Variants in SPATS1 observed in about 807,000 individuals in gnomAD.
The protein encoded by SPATS1 is spermatogenesis associated serine rich 1.
In SPATS1, 23 loss-of-function variants were observed where a neutral mutation model predicts 33.6. That is an observed-to-expected ratio of 0.68 (90% CI 0.49 to 0.97). The LOEUF (loss-of-function observed/expected upper bound fraction) is 0.97, where lower values mean the gene tolerates loss of function less well. Ranked by LOEUF, SPATS1 falls within the 50% of genes least tolerant of loss-of-function variation. The probability of loss-of-function intolerance (pLI) is 0.00; values close to 1 mark genes in which losing one functional copy is unlikely to be tolerated. For missense variants in SPATS1, 327 were observed against 361.0 expected, an observed-to-expected ratio of 0.91 and a Z score of 0.76; for synonymous variants, 131 against 125.6, an observed-to-expected ratio of 1.04 and a Z score of -0.29.
At chr6:44,369,118 G>A (rs547392248) in intron 6 of SPATS1, among the ~76,000 whole-genome samples, 2 of 152,142 alleles carry the variant, frequency 1.3e-5, no homozygotes, top group South Asian at 2.1e-4. Context: ...GGATGGTCTT[G>A]ATCTCCTGAC....
intron 7 of SPATS1, among the ~76,000 whole-genome samples, chr6:44,375,261 G>T (rs1278614119): frequency 6.6e-6 from 1 of 152,200 alleles, no homozygotes; most frequent in Non-Finnish European, 1.5e-5. Flanking sequence ...ACATGGGAGG[G>T]TGAAGCACCC....
intron 7 of SPATS1, among the ~76,000 whole-genome samples, chr6:44,370,541 T>C (rs529865413): frequency 1.8e-4 from 27 of 152,208 alleles, no homozygotes; most frequent in Non-Finnish European, 2.8e-4. Context: ...ATCATTCCTT[T>C]AATTTCATAC....
intron 4 of SPATS1, among the ~76,000 whole-genome samples, chr6:44,361,071 G>A (rs1788890756): frequency 6.6e-6 from 1 of 152,104 alleles, no homozygotes; most frequent in South Asian, 2.1e-4. Flanking sequence ...CTGAGGCTTT[G>A]AGACATTCAG....
chr6:44,370,238 G>A, intron 7 of SPATS1, 125 bp downstream of exon 7: 1 of 797,694 alleles, frequency 1.3e-6, no homozygotes. Flanking sequence ...CCCAGCAGGA[G>A]GGTGGGGCAG....
chr6:44,352,186 A>G (rs759159989), intron 2 of SPATS1, among the ~76,000 whole-genome samples: 1 of 151,956 alleles, frequency 6.6e-6, no homozygotes, highest in Non-Finnish European at 1.5e-5. Flanking sequence ...GCTGGAGTGC[A>G]GTCATGTGAT....
intron 5 of SPATS1, among the ~76,000 whole-genome samples, chr6:44,364,164 T>C (rs1192850472): frequency 1.3e-5 from 2 of 152,260 alleles, no homozygotes; most frequent in Admixed American, 1.3e-4. Flanking sequence ...AAATATATCA[T>C]ATGTGCCTCT....
rs775737609 is a variant in SPATS1 at position 44,360,449 on chromosome 6, C to A, written c.291C>A (p.Thr97=). ...GLPRVSAYVD[T]TADLDRKLSF... ...AATCCTTCTGCTTTCTTTCCAGCAC[C>A]ACTGCTGACTTGGATCGGAAACTCT... The change falls in exon 4 of 9, where the codon ACC becomes ACA. Residue 97 remains threonine (T), a synonymous_variant. Transcript: ENST00000674044. 1.2e-6 allele frequency: 2 copies of A among 1,613,970 alleles called. No homozygotes were observed. The highest frequency in any genetic ancestry group is 2.2e-5 in the South Asian group (2 of 91,086).
intron 3 of SPATS1, among the ~76,000 whole-genome samples, chr6:44,357,785 G>T (rs926854614): frequency 6.6e-6 from 1 of 152,094 alleles, no homozygotes; most frequent in Non-Finnish European, 1.5e-5. Context: ...TTCTGAATAG[G>T]AGCTACCATC....
intron 5 of SPATS1, among the ~76,000 whole-genome samples, chr6:44,364,816 T>C (rs1240294053): frequency 1.3e-5 from 2 of 151,846 alleles, no homozygotes; most frequent in Non-Finnish European, 2.9e-5. Context: ...CTTTTTTTTT[T>C]AGACAGAGTC....
At chr6:44,352,293 G>T (rs1305231509) in intron 2 of SPATS1, among the ~76,000 whole-genome samples, 2 of 152,192 alleles carry the variant, frequency 1.3e-5, no homozygotes, top group East Asian at 3.9e-4. Context: ...ACCATGACCA[G>T]CTAGTTTTTG....
chr6:44,346,197 G>A (rs1787871214), intron 2 of SPATS1, among the ~76,000 whole-genome samples: 1 of 151,518 alleles, frequency 6.6e-6, no homozygotes, highest in South Asian at 2.1e-4. Context: ...AGGCTGGGGT[G>A]GGAGCATCAC....
intron 5 of SPATS1, among the ~76,000 whole-genome samples, chr6:44,362,873 T>C (rs976414063): frequency 6.6e-6 from 1 of 151,994 alleles, no homozygotes; most frequent in Non-Finnish European, 1.5e-5. Context: ...AGTTTCGCTC[T>C]TGTTGCCCAG....
intron 8 of SPATS1, among the ~76,000 whole-genome samples, chr6:44,376,741 A>G (rs1359891913): frequency 6.6e-6 from 1 of 152,224 alleles, no homozygotes; most frequent in Non-Finnish European, 1.5e-5. Flanking sequence ...TGGAGGTTGC[A>G]GTGAGCTGAG....
At position 44,370,123 on chromosome 6, in the gene SPATS1, CTT is replaced by C. The variant is rs1411594560; in HGVS notation, c.758+11_758+12del. 10 of 1,606,270 alleles carry C rather than the reference CTT, an allele frequency of 6.2e-6. 1 individual carries two copies. Among genetic ancestry groups the C allele is most frequent in the South Asian group, 3.3e-5 (3 of 90,684 alleles). Reference sequence around the variant, plus strand: ...TTCCACAAATTCCCAAGTGAGTTCTCTTGTCATGTTTTGTGTTATCCCATCTT... The same window carrying C: ...TTCCACAAATTCCCAAGTGAGTTCTCGTCATGTTTTGTGTTATCCCATCTT... On this transcript the variant is annotated intron_variant, in intron 7 of 8. Coordinates refer to ENST00000674044, the MANE Select transcript of SPATS1 (RefSeq NM_001372081.1).
chr6:44,367,404 A>C (rs1481786158), intron 5 of SPATS1, among the ~76,000 whole-genome samples: 2 of 152,252 alleles, frequency 1.3e-5, no homozygotes, highest in East Asian at 3.8e-4. Flanking sequence ...CACTCAATGC[A>C]TGGGTGCAGT....
chr6:44,351,486 T>C (rs1788239988), intron 2 of SPATS1, among the ~76,000 whole-genome samples: 1 of 152,254 alleles, frequency 6.6e-6, no homozygotes, highest in Admixed American at 6.5e-5. Context: ...AGTTTGACTC[T>C]TATTTCTTAC....
Position 44,366,126 on chromosome 6 carries a change from TA to T in SPATS1, c.575-2252del, listed in dbSNP as rs199640096. Among the ~76,000 whole-genome samples the T allele has an allele frequency of 8.4e-3, 237 of 28,102 alleles. 2 individuals carry two copies. Among genetic ancestry groups the T allele is most frequent in the East Asian group, 0.03 (12 of 404 alleles). The allele number at this position is 28,102 out of a possible 152,430, so 18.4% of individuals were successfully genotyped here. On this transcript the variant is annotated intron_variant, in intron 5 of 8. Coordinates refer to ENST00000674044, the MANE Select transcript of SPATS1 (RefSeq NM_001372081.1). ...TTACCATAGTCTATATATATATATA[TA>T]TTTTTTTTTTTTTTGAGACAGAGTT...
At position 44,380,118 on chromosome 6, in the gene SPATS1, A is replaced by G. The variant is rs1790138258; in HGVS notation, c.*3055A>G. On this transcript the variant is annotated 3_prime_UTR_variant, in exon 9 of 9. Coordinates refer to ENST00000674044, the MANE Select transcript of SPATS1 (RefSeq NM_001372081.1). ...CAGCTAGAAAGAGGTTGAACCTGTT[A>G]GATGTAAAGATCCCCTTCACCTCAC... Among the ~76,000 whole-genome samples, 1 of 152,192 alleles carries G rather than the reference A, an allele frequency of 6.6e-6. No individual in the cohort carries two copies. The highest frequency in any genetic ancestry group is 1.5e-5 in the Non-Finnish European group (1 of 68,020).
At chr6:44,369,087 G>T (rs186529042) in intron 6 of SPATS1, among the ~76,000 whole-genome samples, 2 of 151,870 alleles carry the variant, frequency 1.3e-5, no homozygotes, top group African/African-American at 2.4e-5. Flanking sequence ...CAGTAGAGAC[G>T]GGGTTTCACC....
Sources: gnomAD v4.1 joint callset for allele counts (sites outside exome capture counted in the v4.1 genomes callset) on GRCh38, gnomAD v4.1.1 for gene constraint, MANE v1.5 for transcripts, NCBI Gene and HGNC (gene_info 2026-07-23, HGNC 2026-07-21) for gene names.